Variants in PROSER2 observed in about 807,000 individuals in gnomAD.
PROSER2 encodes the protein proline and serine rich 2.
In PROSER2, 18 loss-of-function variants were observed where a neutral mutation model predicts 14.6. The observed-to-expected ratio is 1.23, with a 90% CI of 0.85 to 1.83. The LOEUF (loss-of-function observed/expected upper bound fraction) is 1.83. Among genes scored for constraint, PROSER2 ranks in the 40% most tolerant of loss-of-function variants. The probability of loss-of-function intolerance (pLI) is 0.00; values close to 1 mark genes in which losing one functional copy is unlikely to be tolerated. For synonymous variants in PROSER2, 367 were observed against 286.4 expected, an observed-to-expected ratio of 1.28 and a Z score of -2.84; for missense variants, 823 against 629.8, an observed-to-expected ratio of 1.31 and a Z score of -3.28.
intron 1 of PROSER2, chr10:11,850,477 C>T (rs1833996987): frequency 6.6e-6 from 1 of 152,370 alleles, no homozygotes; most frequent in South Asian, 2.1e-4. Flanking sequence ...TCTAGGGCCT[C>T]CTGGAATGTA....
chr10:11,827,629 G>A (rs765120288), intron 1 of PROSER2, among the ~76,000 whole-genome samples: 3 of 151,212 alleles, frequency 2.0e-5, no homozygotes, highest in South Asian at 2.1e-4. Context: ...GATTGACCAC[G>A]TACAATGTGC....
At chr10:11,832,185 C>G (rs140505281) in intron 1 of PROSER2, among the ~76,000 whole-genome samples, 1 of 152,064 alleles carries the variant, frequency 6.6e-6, no homozygotes, top group East Asian at 1.9e-4. Flanking sequence ...AAACCGTGAC[C>G]GCATCAATGT....
At chr10:11,842,515 C>G (rs1833858871) in intron 1 of PROSER2, among the ~76,000 whole-genome samples, 1 of 151,990 alleles carries the variant, frequency 6.6e-6, no homozygotes, top group Non-Finnish European at 1.5e-5. Context: ...TTAACTTCCT[C>G]CAAAACTCAA....
At chr10:11,845,292 C>T (rs199693741) in intron 1 of PROSER2, among the ~76,000 whole-genome samples, 2 of 152,174 alleles carry the variant, frequency 1.3e-5, no homozygotes, top group East Asian at 3.9e-4. Flanking sequence ...AGCGGAACCT[C>T]GGAGCACCTT....
In PROSER2 at chr10:11,870,150, C is replaced by A; in HGVS notation, c.1052C>A (p.Ala351Asp). The A allele has an allele frequency of 6.9e-7, 1 of 1,451,426 alleles. No individual in the cohort carries two copies. The allele number at this position is 1,451,426 out of a possible 1,614,324, so 89.9% of individuals were successfully genotyped here. A position where few individuals can be genotyped will look rare whatever the true frequency, so the allele number is the denominator to read the frequency against. ...AACGGCTTCCCAAGTGCGCACGAGG[C>A]CCTGAAGAGCGCACCCAGCTCCTTC... ...LANGFPSAHE[A>D]LKSAPSSFAP... The change falls in exon 4 of 4, where the codon GCC becomes GAC. Residue 351 changes from alanine to aspartate, a missense_variant. Physicochemically the swap from Ala to Asp is moderately radical, Grantham distance 126. Transcript: ENST00000277570.
chr10:11,827,682 C>CT (rs10625176), intron 1 of PROSER2, among the ~76,000 whole-genome samples: 15,323 of 143,316 alleles, frequency 0.11, 982 homozygotes, highest in East Asian at 0.27. Context: ...CATGGAAGTC[C>CT]TTTTTTTTTT....
At chr10:11,824,408 A>G (rs1322590633) in intron 1 of PROSER2, among the ~76,000 whole-genome samples, 1 of 152,238 alleles carries the variant, frequency 6.6e-6, no homozygotes, top group Non-Finnish European at 1.5e-5. Context: ...AAATACTCAT[A>G]GGAGAAAACT....
At chr10:11,859,723 A>G (rs1315234390) in intron 2 of PROSER2, among the ~76,000 whole-genome samples, 1 of 152,214 alleles carries the variant, frequency 6.6e-6, no homozygotes, top group African/African-American at 2.4e-5. Flanking sequence ...TTTTTTTACT[A>G]TAACAGCTTT....
At chr10:11,867,740 G>C (rs576365459) in intron 3 of PROSER2, among the ~76,000 whole-genome samples, 1 of 152,204 alleles carries the variant, frequency 6.6e-6, no homozygotes, top group African/African-American at 2.4e-5. Context: ...CACCACTCAC[G>C]TCCTGCTGTG....
At position 11,869,634 on chromosome 10, in the gene PROSER2, C is replaced by T. The variant is rs1199727921; in HGVS notation, c.536C>T (p.Ser179Phe). 3.1e-6 allele frequency: 5 copies of T among 1,596,092 alleles called. No homozygotes were observed. The highest frequency in any genetic ancestry group is 1.7e-5 in the Admixed American group (1 of 58,284). ...CCCAGGAGGGAGCTGCGCGCCCCCTCCCCGCCGGTGGAGCACCCCAGACTC... is the reference window on the plus strand; with the variant it reads ...CCCAGGAGGGAGCTGCGCGCCCCCTTCCCGCCGGTGGAGCACCCCAGACTC... ...DPPRRELRAP[S>F]PPVEHPRLLR... Residue 179 changes from serine to phenylalanine, a missense_variant, in exon 4 of 4, where the codon TCC becomes TTC. Transcript: ENST00000277570. The surrounding 1 kb of genome is among the most constrained non-coding windows in gnomAD (Gnocchi z 4.4).
At chr10:11,868,443 A>T (rs1834396749) in intron 3 of PROSER2, among the ~76,000 whole-genome samples, 1 of 150,630 alleles carries the variant, frequency 6.6e-6, no homozygotes, top group South Asian at 2.1e-4. Flanking sequence ...GCCTGGCTAA[A>T]TTTTTTTTTG....
chr10:11,864,553 TAGGCAGTTATC>T (rs895321837), intron 2 of PROSER2, among the ~76,000 whole-genome samples: 7 of 152,224 alleles, frequency 4.6e-5, no homozygotes, highest in African/African-American at 1.7e-4. Context: ...TTACGTAACT[TAGGCAGTTATC>T]AAATTCTGAT....
rs879446305 is a variant in PROSER2 at position 11,839,551 on chromosome 10, GCGC to G, written c.-81-12445_-81-12443del. On this transcript the variant is annotated intron_variant, in intron 1 of 3. Coordinates refer to ENST00000277570, the MANE Select transcript of PROSER2 (RefSeq NM_153256.4). Reference sequence around the variant, plus strand: ...TACTTTATAATAACTCCTTGGCTGGGCGCGGTGGCTCACGCCTGTACTCCCAGC... The same window carrying G: ...TACTTTATAATAACTCCTTGGCTGGGGGTGGCTCACGCCTGTACTCCCAGC... Among the ~76,000 whole-genome samples, 921 of 152,218 alleles carry G rather than the reference GCGC, an allele frequency of 6.1e-3. 2 individuals carry two copies. Among genetic ancestry groups the G allele is most frequent in the Non-Finnish European group, 0.01 (695 of 68,004 alleles).
rs76298985 is a variant in PROSER2 at position 11,830,663 on chromosome 10, G to T, written c.-82+7193G>T. Among the ~76,000 whole-genome samples, 4,628 of 152,302 alleles carry T rather than the reference G, an allele frequency of 0.03. 99 individuals are homozygous for T. Among genetic ancestry groups the T allele is most frequent in the Non-Finnish European group, 0.046 (3,097 of 68,024 alleles). On this transcript the variant is annotated intron_variant, in intron 1 of 3. Transcript: ENST00000277570. The surrounding 1 kb of genome is among the most constrained non-coding windows in gnomAD (Gnocchi z 4.5). Reference sequence around the variant, plus strand: ...TAAAGGTGTCCTGATTTCTCTGAGAGAGGTTGATAGCCATTCCTTGGACTT... The same window carrying T: ...TAAAGGTGTCCTGATTTCTCTGAGATAGGTTGATAGCCATTCCTTGGACTT...
At position 11,870,582 on chromosome 10, in the gene PROSER2, C is replaced by T. The variant is rs114218014; in HGVS notation, c.*176C>T. ...TGGGGCCTCCTGGCTGAGCACGCACCGCAAGCTCCAGCCACCGGCACAGAG... is the reference window on the plus strand; with the variant it reads ...TGGGGCCTCCTGGCTGAGCACGCACTGCAAGCTCCAGCCACCGGCACAGAG... On this transcript the variant is annotated 3_prime_UTR_variant, in exon 4 of 4. Coordinates refer to ENST00000277570, the MANE Select transcript of PROSER2 (RefSeq NM_153256.4). 5.0e-3 allele frequency: 2,535 copies of T among 505,516 alleles called. 70 individuals carry two copies. The highest frequency in any genetic ancestry group is 0.047 in the African/African-American group (2,331 of 49,288). The allele number at this position is 505,516 out of a possible 1,614,324, so 31.3% of individuals were successfully genotyped here.
rs971415533 is a variant in PROSER2, at chr10:11,866,047, G to A, written c.139-484G>A. ...TCTTCAGGTTCCCCAAAGATGATGC[G>A]TGCTCCACCATCTCTCTTCCTGTTA... On this transcript the variant is annotated intron_variant, in intron 2 of 3. Coordinates refer to ENST00000277570, the MANE Select transcript of PROSER2 (RefSeq NM_153256.4). This position sits in a 1 kb window ranked among gnomAD's most constrained non-coding sequence, Gnocchi z 6.0. Among the ~76,000 whole-genome samples, 3 of 151,992 alleles carry A rather than the reference G, an allele frequency of 2.0e-5. No homozygotes were observed. The highest frequency in any genetic ancestry group is 1.9e-4 in the East Asian group (1 of 5,184).
chr10:11,867,264 C>CAA (rs10560433), intron 3 of PROSER2, among the ~76,000 whole-genome samples: 6,290 of 51,202 alleles, frequency 0.12, 795 homozygotes, highest in Non-Finnish European at 0.18. Flanking sequence ...GACTCCGTCT[C>CAA]AAAAAAAAAA....
chr10:11,862,214 G>A lies in PROSER2; in HGVS notation c.139-4317G>A, dbSNP rs1588498281. Among the ~76,000 whole-genome samples the A allele has an allele frequency of 6.6e-6, 1 of 152,216 alleles. No homozygotes were observed. Among genetic ancestry groups the A allele is most frequent in the Non-Finnish European group, 1.5e-5 (1 of 68,038 alleles). ...CAGAGACATCAGTTCTCTGCAATTT[G>A]AGAAACTTTCATGCAAATCCCGCTT... is the stretch of plus-strand genomic sequence containing the variant. On this transcript the variant is annotated intron_variant, in intron 2 of 3. Transcript: ENST00000277570. The surrounding 1 kb of genome is among the most constrained non-coding windows in gnomAD (Gnocchi z 4.2).
rs1451263982 is a variant in PROSER2 at position 11,849,991 on chromosome 10, A to C, written c.-81-2006A>C. ...ACGGTACAGCAGGAAGGCCTTCAGCAGATGTGGCCCTGGATCTTGGATTTC... is the reference window on the plus strand; with the variant it reads ...ACGGTACAGCAGGAAGGCCTTCAGCCGATGTGGCCCTGGATCTTGGATTTC... On this transcript the variant is annotated intron_variant, in intron 1 of 3. Transcript: ENST00000277570. 4 of 152,302 alleles carry C rather than the reference A, an allele frequency of 2.6e-5. No homozygotes were observed. In the East Asian group the frequency reaches 7.7e-4, roughly 29 times the overall value. The allele number at this position is 152,302 out of a possible 1,614,324, so 9.4% of individuals were successfully genotyped here. A position where few individuals can be genotyped will look rare whatever the true frequency, so the allele number is the denominator to read the frequency against.
Sources: gnomAD v4.1 joint callset for allele counts (sites outside exome capture counted in the v4.1 genomes callset) on GRCh38, gnomAD v4.1.1 for gene constraint, Gnocchi (gnomAD v3.1) non-coding constraint, MANE v1.5 for transcripts, NCBI Gene and HGNC (gene_info 2026-07-23, HGNC 2026-07-21) for gene names.